The following JCAD variants were observed in gnomAD, a reference collection of about 807,000 sequenced individuals.
The protein encoded by JCAD is junctional cadherin 5 associated, also known as junctional cadherin 5-associated protein.
Under a neutral mutation model 98.0 loss-of-function variants are expected in JCAD, and 40 were observed. The observed-to-expected ratio is 0.41, with a 90% confidence interval of 0.32 to 0.53. The LOEUF (loss-of-function observed/expected upper bound fraction) is 0.53, where lower values mean the gene tolerates loss of function less well. Among genes scored for constraint, JCAD ranks in the 20% least tolerant of loss-of-function variants. JCAD has a pLI of 0.31. For synonymous variants in JCAD, 691 were observed against 682.3 expected (o/e 1.01, Z -0.20); for missense variants, 1,705 against 1,738.1 (o/e 0.98, Z 0.34).
intron 1 of JCAD, among the ~76,000 whole-genome samples, chr10:30,058,973 G>A (rs1278403818): frequency 6.6e-6 from 1 of 152,130 alleles, no homozygotes; most frequent in East Asian, 1.9e-4. Flanking sequence ...GACGGCCGGG[G>A]CAGCGTGGGA....
At chr10:30,109,952 G>C (rs1487949233) in intron 1 of JCAD, among the ~76,000 whole-genome samples, 1 of 151,930 alleles carries the variant, frequency 6.6e-6, no homozygotes, top group Non-Finnish European at 1.5e-5. Context: ...GTATGGACCA[G>C]CTCATGTATG....
chr10:30,055,827 A>G (rs1837560537), intron 1 of JCAD, among the ~76,000 whole-genome samples: 1 of 152,230 alleles, frequency 6.6e-6, no homozygotes, highest in African/African-American at 2.4e-5. Flanking sequence ...GTTCAAAAAA[A>G]GAGAAAGAAA....
chr10:30,024,688 ATTTTTTTTTT>A (rs35394945), intron 3 of JCAD, among the ~76,000 whole-genome samples: 2 of 100,694 alleles, frequency 2.0e-5, no homozygotes, highest in South Asian at 3.1e-4. Context: ...GCCCATGTAC[ATTTTTTTTTT>A]TTTTTTTTTT....
At chr10:30,056,379 C>T (rs575515485) in intron 1 of JCAD, among the ~76,000 whole-genome samples, 1 of 152,222 alleles carries the variant, frequency 6.6e-6, no homozygotes, top group African/African-American at 2.4e-5. Flanking sequence ...AAAGTGATTT[C>T]AAAAGTAAAC....
intron 2 of JCAD, among the ~76,000 whole-genome samples, chr10:30,035,315 C>T (rs934705610): frequency 3.9e-5 from 6 of 152,350 alleles, no homozygotes; most frequent in African/African-American, 1.2e-4. Flanking sequence ...TTGGGTTAAA[C>T]TTCCTTCTGT....
At chr10:30,107,170 T>C (rs1169480426) in intron 1 of JCAD, among the ~76,000 whole-genome samples, 1 of 152,054 alleles carries the variant, frequency 6.6e-6, no homozygotes, top group Admixed American at 6.6e-5. Flanking sequence ...AGGGGCTAGG[T>C]AAAATAAGGC....
At chr10:30,065,154 A>T (rs1476420733) in intron 2 of JCAD, among the ~76,000 whole-genome samples, 1 of 152,210 alleles carries the variant, frequency 6.6e-6, no homozygotes. Flanking sequence ...TACAATATAC[A>T]CTTAGAAGAA....
In JCAD at chr10:30,110,416, C is replaced by T. The variant is rs370813124; in HGVS notation, n.128+4951G>A. 1.3e-4 allele frequency among the ~76,000 whole-genome samples: 19 copies of T among 151,926 alleles called. No individual in the cohort carries two copies. The East Asian group carries it at 3.5e-3, about 28-fold the overall frequency. On this transcript the variant is annotated intron_variant and non_coding_transcript_variant, in intron 1 of 2. Transcript: ENST00000465712. ...GTGGACCAGCTGGTGTATGGACCGG[C>T]TAATGTATGGACCTGTTGGTGTATG...
rs764175231 is a variant in JCAD, at chr10:30,026,296, G to A, written c.3852C>T (p.Asp1284=). ...TTGTGGTGGCCTTCAATTCCTCGGC[G>A]TCCTCCTGGGAGTCGGCATTCCTGA... ...LSFRNADSQE[D]AEELKATTRG... The change falls in exon 3 of 4, where the codon GAC becomes GAT. Residue 1284 remains aspartate (D), a synonymous_variant. Transcript: ENST00000375377. The A allele has an allele frequency of 9.3e-6, 15 of 1,613,812 alleles. No homozygotes were observed. The highest frequency in any genetic ancestry group is 5.0e-5 in the Admixed American group (3 of 60,008).
intron 2 of JCAD, among the ~76,000 whole-genome samples, chr10:30,069,160 G>C (rs972610988): frequency 1.3e-5 from 2 of 152,162 alleles, no homozygotes; most frequent in Admixed American, 6.5e-5. Flanking sequence ...AAACATGTCT[G>C]TTGAATAGAA....
At chr10:30,041,359 A>G (rs1163853935) in intron 2 of JCAD, among the ~76,000 whole-genome samples, 3 of 152,228 alleles carry the variant, frequency 2.0e-5, no homozygotes, top group Non-Finnish European at 4.4e-5. Flanking sequence ...ACAAGCAGTG[A>G]AAAGGCAAAT....
chr10:30,031,015 G>A (rs1014794717), intron 2 of JCAD, among the ~76,000 whole-genome samples: 3 of 150,940 alleles, frequency 2.0e-5, no homozygotes, highest in Non-Finnish European at 4.4e-5. Context: ...TCTCTCTGAT[G>A]GTAAGCATCA....
At chr10:30,060,107 CTA>C (rs1192009808), upstream of JCAD, among the ~76,000 whole-genome samples, 1 of 141,110 alleles carries the variant, frequency 7.1e-6, no homozygotes, top group African/African-American at 2.5e-5. Flanking sequence ...CACAGTATGG[CTA>C]TACACACACA....
upstream of JCAD, among the ~76,000 whole-genome samples, chr10:30,060,427 G>A (rs917908173): frequency 6.6e-5 from 10 of 152,194 alleles, no homozygotes; most frequent in East Asian, 3.9e-4. Context: ...CTCTTACAGC[G>A]GGAAGGGGCA....
intron 1 of JCAD, among the ~76,000 whole-genome samples, chr10:30,112,846 T>A (rs1838729505): frequency 7.5e-6 from 1 of 132,666 alleles, no homozygotes; most frequent in South Asian, 2.4e-4. Flanking sequence ...AACTCCAGCC[T>A]GGGCAAAAGA....
At chr10:30,018,117 T>C (rs941181582) in intron 3 of JCAD, among the ~76,000 whole-genome samples, 200 bp from the exon 4 acceptor site, 5 of 152,174 alleles carry the variant, frequency 3.3e-5, no homozygotes, top group Admixed American at 3.3e-4. Flanking sequence ...GAATTGTGCA[T>C]AGTCATTACC....
upstream of JCAD, among the ~76,000 whole-genome samples, chr10:30,064,496 C>T (rs1463840436): frequency 1.3e-5 from 2 of 152,174 alleles, no homozygotes; most frequent in Non-Finnish European, 2.9e-5. Flanking sequence ...ACGCCATCAC[C>T]TTATACATTT....
At chr10:30,071,168 G>T (rs1309374908) in intron 1 of JCAD, among the ~76,000 whole-genome samples, 3 of 152,172 alleles carry the variant, frequency 2.0e-5, no homozygotes, top group Admixed American at 2.0e-4. Flanking sequence ...GCCTCCCAAA[G>T]TGCTGGGATT....
Position 30,026,441 on chromosome 10 carries a change from G to C in JCAD, c.3707C>G (p.Pro1236Arg). The change falls in exon 3 of 4, where the codon CCT becomes CGT. Residue 1236 changes from proline (P) to arginine (R), a missense_variant. By Grantham distance (103) the Pro-to-Arg change is moderately radical (BLOSUM62 -2). Transcript: ENST00000375377. ...TTGTAAACTTTCAATCACTTTGGAAGGGCTTCTAAGTCTCTTTTCAGAGCC... is the reference window on the plus strand; with the variant it reads ...TTGTAAACTTTCAATCACTTTGGAACGGCTTCTAAGTCTCTTTTCAGAGCC... ...VAGSEKRLRS[P>R]SKVIESLQEK... is the part of the protein sequence containing the mutation. 6.2e-7 allele frequency: 1 copy of C among 1,614,222 alleles called. No individual in the cohort carries two copies.
Sources: allele counts gnomAD v4.1 joint callset (sites outside exome capture counted in the v4.1 genomes callset), GRCh38; gene constraint gnomAD v4.1.1; transcripts MANE v1.5; gene names NCBI Gene and HGNC (gene_info 2026-07-23, HGNC 2026-07-21).